The following B3GALT1 variants were observed in gnomAD, a reference collection of about 807,000 sequenced individuals.
B3GALT1 encodes the protein beta-1,3-galactosyltransferase 1.
B3GALT1 carries 10 observed loss-of-function variants against 23.2 expected under a neutral mutation model. The ratio of observed to expected loss-of-function variants is 0.43; its 90% CI spans 0.27 to 0.73. The LOEUF is 0.73. Among genes scored for constraint, B3GALT1 ranks in the 30% least tolerant of loss-of-function variants. The pLI, the probability that B3GALT1 is intolerant of heterozygous loss-of-function variation, is 0.21. For missense variants in B3GALT1, 299 were observed against 405.4 expected (o/e 0.74, Z 2.25); for synonymous variants, 156 against 141.5 (o/e 1.10, Z -0.73).
At chr2:167,779,056 A>G (rs1688206841) in intron 3 of B3GALT1, among the ~76,000 whole-genome samples, 1 of 152,244 alleles carries the variant, frequency 6.6e-6, no homozygotes, top group Non-Finnish European at 1.5e-5. Context: ...GAAGGAGGCT[A>G]GATCTATGCA....
chr2:167,583,351 G>A (rs1553469623), intron 2 of B3GALT1, among the ~76,000 whole-genome samples: 1 of 152,060 alleles, frequency 6.6e-6, no homozygotes, highest in African/African-American at 2.4e-5. Flanking sequence ...AAAATGCTGT[G>A]ATCTGTCATT....
chr2:167,384,087 A>G (rs762931021), intron 1 of B3GALT1, among the ~76,000 whole-genome samples: 2 of 152,246 alleles, frequency 1.3e-5, no homozygotes, highest in Non-Finnish European at 2.9e-5. Context: ...GAACTAAAGC[A>G]AGCCTTTCCA....
chr2:167,468,545 A>G (rs1201213254), intron 1 of B3GALT1, among the ~76,000 whole-genome samples: 1 of 152,204 alleles, frequency 6.6e-6, no homozygotes, highest in African/African-American at 2.4e-5. Flanking sequence ...AATTTTTCCA[A>G]CTTGACAAAG....
chr2:167,538,842 C>G (rs562197626), intron 2 of B3GALT1, among the ~76,000 whole-genome samples: 15 of 151,998 alleles, frequency 9.9e-5, no homozygotes, highest in African/African-American at 3.6e-4. Context: ...TTTTCACACA[C>G]AAAAACTATG....
intron 2 of B3GALT1, among the ~76,000 whole-genome samples, chr2:167,512,604 A>ATG (rs1558887842): frequency 5.9e-5 from 6 of 102,470 alleles, no homozygotes; most frequent in African/African-American, 2.1e-4. Context: ...GTATATATAT[A>ATG]TATGTATATA....
At chr2:167,426,501 T>C (rs142232915) in intron 1 of B3GALT1, among the ~76,000 whole-genome samples, 19 of 152,208 alleles carry the variant, frequency 1.2e-4, no homozygotes, top group African/African-American at 4.3e-4. Context: ...GTTCTCAAAC[T>C]CTTGACCTCA....
In B3GALT1 at chr2:167,810,084, A is replaced by G. The variant is rs1352188413; in HGVS notation, c.-351-8588A>G. Among the ~76,000 whole-genome samples the G allele has an allele frequency of 2.8e-5, 4 of 144,648 alleles. No homozygotes were observed. The South Asian group carries it at 8.3e-4, about 30-fold the overall frequency. The allele number at this position is 144,648 out of a possible 152,430, so 94.9% of individuals were successfully genotyped here. On this transcript the variant is annotated intron_variant, in intron 3 of 4. Transcript: ENST00000392690. ...CTGTGGGCGTAGGACCCCCTGAGCC[A>G]CGCGTGGGATATAATCTCCTGGTGT...
Position 167,513,974 on chromosome 2 carries a change from T to G in B3GALT1, c.-410+23697T>G, listed in dbSNP as rs144350192. 9.9e-3 allele frequency among the ~76,000 whole-genome samples: 1,504 copies of G among 152,278 alleles called. 19 individuals carry two copies. The highest frequency in any genetic ancestry group is 0.034 in the African/African-American group (1,420 of 41,550). On this transcript the variant is annotated intron_variant, in intron 2 of 4. Transcript: ENST00000392690. ...CAGGCTGGAGGGCAGTGGTGCAGTA[T>G]CGGCTCACTGCAAGCTCCGCCTCCC...
intron 1 of B3GALT1, among the ~76,000 whole-genome samples, chr2:167,344,581 G>A (rs1488545743): frequency 1.3e-5 from 2 of 152,088 alleles, no homozygotes; most frequent in Non-Finnish European, 2.9e-5. Flanking sequence ...ATTGTGTTTT[G>A]TTCTCATGGA....
intron 1 of B3GALT1, among the ~76,000 whole-genome samples, chr2:167,359,254 G>A (rs1490149399): frequency 2.0e-5 from 3 of 151,912 alleles, no homozygotes; most frequent in Admixed American, 6.6e-5. Flanking sequence ...GTGCACACTA[G>A]GTCTGCATAA....
chr2:167,421,206 A>ATGG (rs1559091442), intron 1 of B3GALT1, among the ~76,000 whole-genome samples: 2 of 152,180 alleles, frequency 1.3e-5, no homozygotes, highest in Non-Finnish European at 2.9e-5. Context: ...AAATTAATTA[A>ATGG]ACTTAGATAA....
At chr2:167,323,580 T>A (rs1003127142) in intron 1 of B3GALT1, among the ~76,000 whole-genome samples, 31 of 151,048 alleles carry the variant, frequency 2.1e-4, no homozygotes, top group African/African-American at 7.0e-4. Context: ...GAAAGAGTGA[T>A]AGAGCTTTTT....
intron 2 of B3GALT1, among the ~76,000 whole-genome samples, chr2:167,637,017 T>G (rs907090512): frequency 5.9e-5 from 9 of 151,758 alleles, no homozygotes; most frequent in African/African-American, 1.9e-4. Context: ...AGGTAGGTAC[T>G]CAGTAGTATG....
chr2:167,535,912 A>G (rs1414915017), intron 2 of B3GALT1, among the ~76,000 whole-genome samples: 4 of 152,060 alleles, frequency 2.6e-5, no homozygotes, highest in Non-Finnish European at 4.4e-5. Context: ...CAACATTGCA[A>G]TTAGATTTTT....
chr2:167,312,985 C>T (rs925079059), intron 1 of B3GALT1, among the ~76,000 whole-genome samples: 24 of 152,014 alleles, frequency 1.6e-4, no homozygotes, highest in Admixed American at 7.9e-4. Context: ...CATTACATTA[C>T]GACTACAGTT....
At chr2:167,306,464 T>C (rs1220313729) in intron 1 of B3GALT1, among the ~76,000 whole-genome samples, 4 of 152,046 alleles carry the variant, frequency 2.6e-5, no homozygotes, top group Non-Finnish European at 1.5e-5. Flanking sequence ...TTCTAGAATA[T>C]TTTATAACTT....
chr2:167,778,893 A>G (rs1688204615), intron 3 of B3GALT1, among the ~76,000 whole-genome samples: 1 of 152,180 alleles, frequency 6.6e-6, no homozygotes, highest in Non-Finnish European at 1.5e-5. Flanking sequence ...CAACTGTCAG[A>G]CCTCATTGGA....
In B3GALT1 at chr2:167,873,842, C is replaced by G. The variant is rs1001956415; in HGVS notation, c.*3822C>G. ...GCCAATCAAGCTGCTAATCAGAATA[C>G]TATTTTTTTGTATCAATGTTATAAA... On this transcript the variant is annotated 3_prime_UTR_variant, in exon 5 of 5. Transcript: ENST00000392690. 6.6e-6 allele frequency: 1 copy of G among 152,192 alleles called. No homozygotes were observed. The highest frequency in any genetic ancestry group is 1.5e-5 in the Non-Finnish European group (1 of 68,032). The allele number at this position is 152,192 out of a possible 1,614,324, so 9.4% of individuals were successfully genotyped here. A position where few individuals can be genotyped will look rare whatever the true frequency, so the allele number is the denominator to read the frequency against.
chr2:167,417,440 T>C (rs767719596), intron 1 of B3GALT1, among the ~76,000 whole-genome samples: 2 of 152,170 alleles, frequency 1.3e-5, no homozygotes, highest in Non-Finnish European at 2.9e-5. Context: ...CTTCTCAGGC[T>C]CCGTAACTGT....
Sources: gnomAD v4.1 joint callset for allele counts (sites outside exome capture counted in the v4.1 genomes callset) on GRCh38, gnomAD v4.1.1 for gene constraint, MANE v1.5 for transcripts, NCBI Gene and HGNC (gene_info 2026-07-23, HGNC 2026-07-21) for gene names.